CNTNAP4: variants seen among roughly 807,000 people sequenced by gnomAD.
The protein encoded by CNTNAP4 is contactin-associated protein-like 4.
A neutral mutation model predicts 148.4 loss-of-function variants in CNTNAP4; 98 were observed. That is an observed-to-expected ratio of 0.66 (90% confidence interval 0.56 to 0.78). CNTNAP4 has a LOEUF of 0.78. Ranked by LOEUF, CNTNAP4 falls within the 30% of genes least tolerant of loss-of-function variation. The probability of loss-of-function intolerance (pLI) is 0.00; values close to 1 mark genes in which losing one functional copy is unlikely to be tolerated. For missense variants in CNTNAP4, 1,935 were observed against 1,565.6 expected, an observed-to-expected ratio of 1.24 and a Z score of -3.98; for synonymous variants, 730 against 565.1, an observed-to-expected ratio of 1.29 and a Z score of -4.14.
intron 3 of CNTNAP4, among the ~76,000 whole-genome samples, chr16:76,404,717 CAT>C (rs1335211374): frequency 6.6e-6 from 1 of 152,010 alleles, no homozygotes; most frequent in Non-Finnish European, 1.5e-5. Flanking sequence ...AATTAATAGA[CAT>C]AGTAAAGATT....
At chr16:76,279,771 T>C (rs1958617714) in intron 1 of CNTNAP4, among the ~76,000 whole-genome samples, 1 of 152,240 alleles carries the variant, frequency 6.6e-6, no homozygotes, top group African/African-American at 2.4e-5. Flanking sequence ...TTATTGTGAA[T>C]ATTTTGACAA....
intron 2 of CNTNAP4, among the ~76,000 whole-genome samples, chr16:76,325,683 TATGA>T (rs1962897112): frequency 6.6e-6 from 1 of 152,000 alleles, no homozygotes; most frequent in Admixed American, 6.6e-5. Context: ...AAAGGTTAAA[TATGA>T]ATGATTTTTC....
chr16:76,292,240 G>C (rs148163772), intron 1 of CNTNAP4, among the ~76,000 whole-genome samples: 7 of 152,102 alleles, frequency 4.6e-5, no homozygotes, highest in African/African-American at 1.7e-4. Context: ...GAAATGTAAC[G>C]TTACCACTGT....
intron 1 of CNTNAP4, among the ~76,000 whole-genome samples, chr16:76,303,848 A>T (rs915958312): frequency 1.3e-5 from 2 of 152,192 alleles, no homozygotes; most frequent in Non-Finnish European, 2.9e-5. Context: ...TTTTTAAGTA[A>T]TTCAGTAAAA....
At chr16:76,310,407 C>G (rs1186716496) in intron 1 of CNTNAP4, among the ~76,000 whole-genome samples, 2 of 152,014 alleles carry the variant, frequency 1.3e-5, no homozygotes, top group African/African-American at 2.4e-5. Flanking sequence ...CTAATTTTAA[C>G]TGGATGGAAA....
chr16:76,351,252 A>G lies in CNTNAP4; in HGVS notation c.197-4066A>G, dbSNP rs80127506. On this transcript the variant is annotated intron_variant, in intron 2 of 23. Transcript: ENST00000611870. ...CTGTTAACAAAGTAAATATTACAAT[A>G]GTGTGTTTCCGAGGGCTATGCGGTT... Among the ~76,000 whole-genome samples the G allele has an allele frequency of 1.1e-3, 175 of 152,238 alleles. 1 individual carries two copies. Among genetic ancestry groups the G allele is most frequent in the African/African-American group, 4.0e-3 (166 of 41,544 alleles).
At chr16:76,282,421 G>A (rs1394097770) in intron 1 of CNTNAP4, among the ~76,000 whole-genome samples, 1 of 151,808 alleles carries the variant, frequency 6.6e-6, no homozygotes, top group African/African-American at 2.4e-5. Context: ...CAACTTAGAT[G>A]TTTTGAACAA....
chr16:76,334,296 C>G (rs540660256), intron 2 of CNTNAP4, among the ~76,000 whole-genome samples: 86 of 151,790 alleles, frequency 5.7e-4, no homozygotes, highest in African/African-American at 2.1e-3. Context: ...TCCTTAGAAA[C>G]TAGTGGAAAA....
intron 21 of CNTNAP4, among the ~76,000 whole-genome samples, chr16:76,543,371 A>G (rs2084545778): frequency 6.6e-6 from 1 of 152,216 alleles, no homozygotes; most frequent in South Asian, 2.1e-4. Context: ...TAGATCAACA[A>G]GAGTTATTAA....
chr16:76,549,086 G>A (rs72801222), intron 21 of CNTNAP4, among the ~76,000 whole-genome samples: 2 of 151,968 alleles, frequency 1.3e-5, no homozygotes, highest in East Asian at 1.9e-4. Flanking sequence ...ATCCTGGAGG[G>A]AACCAGTGAG....
At chr16:76,528,498 C>G (rs1195582373) in intron 17 of CNTNAP4, among the ~76,000 whole-genome samples, 1 of 152,144 alleles carries the variant, frequency 6.6e-6, no homozygotes, top group Non-Finnish European at 1.5e-5. Flanking sequence ...CTCCTGGGTT[C>G]AAAAGATCCA....
intron 12 of CNTNAP4, among the ~76,000 whole-genome samples, chr16:76,483,247 C>T (rs1285125970): frequency 6.7e-6 from 1 of 148,660 alleles, no homozygotes; most frequent in African/African-American, 2.6e-5. Context: ...CACACACACA[C>T]ACACACACAC....
intron 17 of CNTNAP4, among the ~76,000 whole-genome samples, chr16:76,530,304 C>T (rs898274965): frequency 2.6e-5 from 4 of 151,980 alleles, no homozygotes; most frequent in Non-Finnish European, 5.9e-5. Context: ...CAATAGAGGT[C>T]GCATTTCTCT....
chr16:76,373,433 A>C (rs1285241843), intron 3 of CNTNAP4, among the ~76,000 whole-genome samples: 1 of 152,172 alleles, frequency 6.6e-6, no homozygotes, highest in African/African-American at 2.4e-5. Flanking sequence ...TCATACCTCT[A>C]AATTGGCCTT....
intron 2 of CNTNAP4, among the ~76,000 whole-genome samples, chr16:76,326,635 C>T (rs1963002854): frequency 6.6e-6 from 1 of 152,092 alleles, no homozygotes; most frequent in African/African-American, 2.4e-5. Flanking sequence ...ATGATGAGTT[C>T]ATGTCCTTTG....
chr16:76,392,060 G>A (rs1399186039), intron 3 of CNTNAP4, among the ~76,000 whole-genome samples: 4 of 152,068 alleles, frequency 2.6e-5, no homozygotes, highest in East Asian at 1.9e-4. Context: ...GCACAATCTC[G>A]GCTCACTGCA....
intron 21 of CNTNAP4, 52 bp from the exon 22 acceptor site, chr16:76,553,231 G>A (rs146716659): frequency 4.8e-5 from 52 of 1,093,548 alleles, no homozygotes; most frequent in African/African-American, 2.6e-4. Flanking sequence ...CTGCATCATC[G>A]CCTATTTTCA....
chr16:76,362,955 A>G (rs1394308202), intron 3 of CNTNAP4, among the ~76,000 whole-genome samples: 2 of 152,090 alleles, frequency 1.3e-5, no homozygotes, highest in African/African-American at 4.8e-5. Flanking sequence ...CAGGCATGGC[A>G]GCTTATACCT....
chr16:76,545,982 C>A (rs2144340875), intron 21 of CNTNAP4, among the ~76,000 whole-genome samples: 1 of 151,568 alleles, frequency 6.6e-6, no homozygotes, highest in East Asian at 1.9e-4. Context: ...TTGCGGTGAG[C>A]TGAGATTGTG....
Sources: gnomAD v4.1 joint callset for allele counts (sites outside exome capture counted in the v4.1 genomes callset) on GRCh38, gnomAD v4.1.1 for gene constraint, MANE v1.5 for transcripts, NCBI Gene and HGNC (gene_info 2026-07-23, HGNC 2026-07-21) for gene names.